KAZN: variants seen among roughly 807,000 people sequenced by gnomAD.
The protein encoded by KAZN is kazrin.
KAZN carries 40 observed loss-of-function variants against 87.4 expected under a neutral mutation model. The ratio of observed to expected loss-of-function variants is 0.46; its 90% confidence interval spans 0.36 to 0.60. KAZN has a LOEUF of 0.60. Among genes scored for constraint, KAZN ranks in the 20% least tolerant of loss-of-function variants. The pLI, the probability that KAZN is intolerant of heterozygous loss-of-function variation, is 0.00. For synonymous variants in KAZN, 466 were observed against 458.3 expected, an observed-to-expected ratio of 1.02 and a Z score of -0.22; for missense variants, 898 against 1,073.9, an observed-to-expected ratio of 0.84 and a Z score of 2.29.
intron 1 of KAZN, among the ~76,000 whole-genome samples, chr1:13,954,738 G>C (rs962405378): frequency 6.6e-6 from 1 of 152,162 alleles, no homozygotes; most frequent in Admixed American, 6.5e-5. Flanking sequence ...CTACCTCCAT[G>C]CAATTGCCCA....
At chr1:14,411,368 C>T (rs1392453572) in intron 2 of KAZN, among the ~76,000 whole-genome samples, 3 of 152,220 alleles carry the variant, frequency 2.0e-5, no homozygotes, top group Non-Finnish European at 4.4e-5. Flanking sequence ...GATCACAGCT[C>T]AGTGTAACCT....
intron 1 of KAZN, among the ~76,000 whole-genome samples, chr1:14,125,398 A>C (rs942107903): frequency 6.6e-6 from 1 of 152,206 alleles, no homozygotes; most frequent in Non-Finnish European, 1.5e-5. Context: ...TGATTGGAAA[A>C]AGGATCTTTG....
chr1:14,036,758 CTATT>C (rs951828334), intron 1 of KAZN, among the ~76,000 whole-genome samples: 5 of 151,836 alleles, frequency 3.3e-5, no homozygotes, highest in African/African-American at 7.3e-5. Context: ...TCTTTGGAGT[CTATT>C]TATTTATTTA....
chr1:14,413,483 G>A (rs1382010540), intron 2 of KAZN, among the ~76,000 whole-genome samples: 1 of 151,302 alleles, frequency 6.6e-6, no homozygotes, highest in Admixed American at 6.6e-5. Context: ...CCAGTTACTC[G>A]GGAGGCTGAG....
intron 1 of KAZN, among the ~76,000 whole-genome samples, chr1:14,653,787 C>T (rs945901808): frequency 3.9e-5 from 6 of 152,164 alleles, no homozygotes; most frequent in African/African-American, 1.4e-4. Context: ...GCAATAAACC[C>T]TGAAGAGCAC....
At chr1:14,350,934 C>T (rs1263099144) in intron 2 of KAZN, 1 of 152,310 alleles carries the variant, frequency 6.6e-6, no homozygotes, top group Non-Finnish European at 1.5e-5. Flanking sequence ...GTCTGTTGCA[C>T]ATTGAAACAT....
rs527751568 is a variant in KAZN at position 14,048,631 on chromosome 1, T to C, written c.92-131804T>C. ...GTTGGCCAGGCTGGTCTCAAACTCC[T>C]GACCTTAGGTGATCCCACCCACCTC... On this transcript the variant is annotated intron_variant, in intron 1 of 16. Coordinates refer to the KAZN transcript ENST00000636203. 2.6e-5 allele frequency among the ~76,000 whole-genome samples: 4 copies of C among 152,276 alleles called. 2 individuals are homozygous for C. Among genetic ancestry groups the C allele is most frequent in the African/African-American group, 9.6e-5 (4 of 41,566 alleles).
chr1:14,939,323 G>A (rs1391217601), intron 1 of KAZN, among the ~76,000 whole-genome samples: 1 of 151,888 alleles, frequency 6.6e-6, no homozygotes, highest in Non-Finnish European at 1.5e-5. Context: ...AGGCTGGAGT[G>A]CCATGGCAGG....
At chr1:14,062,177 A>G (rs1642821346) in intron 1 of KAZN, among the ~76,000 whole-genome samples, 1 of 152,176 alleles carries the variant, frequency 6.6e-6, no homozygotes, top group Non-Finnish European at 1.5e-5. Context: ...TACTTCAGGA[A>G]TCATTCCTGA....
chr1:14,255,161 G>A (rs1350031980), intron 2 of KAZN, among the ~76,000 whole-genome samples: 1 of 150,506 alleles, frequency 6.6e-6, no homozygotes, highest in Non-Finnish European at 1.5e-5. Flanking sequence ...AAGAAGAAAG[G>A]GGAGAAGAGG....
At chr1:14,232,033 C>G (rs1433482130) in intron 2 of KAZN, among the ~76,000 whole-genome samples, 1 of 152,086 alleles carries the variant, frequency 6.6e-6, no homozygotes, top group African/African-American at 2.4e-5. Flanking sequence ...ATTCTCATTC[C>G]ATGGGTGGAA....
At chr1:14,650,692 T>C (rs558972241) in intron 1 of KAZN, among the ~76,000 whole-genome samples, 71 of 152,370 alleles carry the variant, frequency 4.7e-4, no homozygotes, top group Admixed American at 9.8e-4. Context: ...GATAATTCAA[T>C]ATTGCTTTAC....
intron 1 of KAZN, among the ~76,000 whole-genome samples, chr1:14,908,867 T>C (rs930639034): frequency 6.6e-6 from 1 of 151,372 alleles, no homozygotes; most frequent in African/African-American, 2.4e-5. Flanking sequence ...ATGCAAAAAT[T>C]AGCCAGGTGT....
chr1:14,388,905 A>G (rs1662182488), intron 2 of KAZN, among the ~76,000 whole-genome samples: 1 of 152,216 alleles, frequency 6.6e-6, no homozygotes, highest in South Asian at 2.1e-4. Flanking sequence ...CAACAAAGTG[A>G]ATAGAAAACC....
intron 1 of KAZN, among the ~76,000 whole-genome samples, chr1:14,163,028 T>A (rs189966309): frequency 6.6e-6 from 1 of 152,234 alleles, no homozygotes; most frequent in East Asian, 1.9e-4. Context: ...CATTTTATTA[T>A]TAGTAGCAAG....
intron 2 of KAZN, among the ~76,000 whole-genome samples, chr1:14,477,551 C>T (rs1372200342): frequency 6.6e-6 from 1 of 151,870 alleles, no homozygotes; most frequent in African/African-American, 2.4e-5. Flanking sequence ...GCATCGTGTA[C>T]AAGGCTTGTG....
intron 1 of KAZN, among the ~76,000 whole-genome samples, chr1:14,666,937 T>C (rs1208436409): frequency 2.0e-5 from 3 of 152,176 alleles, no homozygotes; most frequent in Non-Finnish European, 4.4e-5. Flanking sequence ...GGTTTCACTG[T>C]GTTGGCCAGG....
chr1:14,290,552 CTGTT>C (rs1557619109), intron 2 of KAZN, among the ~76,000 whole-genome samples: 1 of 152,204 alleles, frequency 6.6e-6, no homozygotes, highest in South Asian at 2.1e-4. Context: ...CTTCTCTACA[CTGTT>C]TGTTCTAGTT....
chr1:14,945,519 G>T (rs927096368), intron 1 of KAZN, among the ~76,000 whole-genome samples: 1 of 152,180 alleles, frequency 6.6e-6, no homozygotes, highest in Non-Finnish European at 1.5e-5. Flanking sequence ...CGCACTGGCG[G>T]CCAGTCTGTC....
Sources: gnomAD v4.1 joint callset for allele counts (sites outside exome capture counted in the v4.1 genomes callset) on GRCh38, gnomAD v4.1.1 for gene constraint, MANE v1.5 for transcripts, NCBI Gene and HGNC (gene_info 2026-07-23, HGNC 2026-07-21) for gene names.